AGPAT4: variants seen among roughly 807,000 people sequenced by gnomAD.
AGPAT4 encodes the protein 1-acylglycerol-3-phosphate O-acyltransferase 4.
AGPAT4 carries 15 observed loss-of-function variants against 48.0 expected under a neutral mutation model. The ratio of observed to expected loss-of-function variants is 0.31; its 90% CI spans 0.21 to 0.48. The LOEUF is 0.48. Ranked by LOEUF, AGPAT4 falls within the 20% of genes least tolerant of loss-of-function variation. The probability of loss-of-function intolerance (pLI) is 0.99; values close to 1 mark genes in which losing one functional copy is unlikely to be tolerated. For synonymous variants in AGPAT4, 178 were observed against 198.7 expected (o/e 0.90, Z 0.88); for missense variants, 314 against 482.5 (o/e 0.65, Z 3.27).
At chr6:161,203,026 C>A (rs1366687682) in intron 2 of AGPAT4, among the ~76,000 whole-genome samples, 1 of 152,212 alleles carries the variant, frequency 6.6e-6, no homozygotes, top group Non-Finnish European at 1.5e-5. Flanking sequence ...ACCAGGCATC[C>A]TGGAGCACAG....
intron 2 of AGPAT4, among the ~76,000 whole-genome samples, chr6:161,191,340 G>A (rs1780919448): frequency 1.3e-5 from 2 of 152,190 alleles, no homozygotes; most frequent in African/African-American, 4.8e-5. Context: ...GGAATAAGAA[G>A]TATGGAAGAG....
rs1479418614 is a variant in AGPAT4 at position 161,141,886 on chromosome 6, A to C, written c.844-2266T>G. 6.6e-6 allele frequency among the ~76,000 whole-genome samples: 1 copy of C among 152,064 alleles called. No homozygotes were observed. Among genetic ancestry groups the C allele is most frequent in the South Asian group, 2.1e-4 (1 of 4,824 alleles). Reference sequence around the variant, plus strand: ...TTCACTTTATTTTATTTTTTGAGACAGAGTCTCACTCTGTCGCACAGGCTG... The same window carrying C: ...TTCACTTTATTTTATTTTTTGAGACCGAGTCTCACTCTGTCGCACAGGCTG... On this transcript the variant is annotated intron_variant, in intron 7 of 8. Coordinates refer to ENST00000320285, the MANE Select transcript of AGPAT4 (RefSeq NM_020133.3). The surrounding 1 kb of genome is among the most constrained non-coding windows in gnomAD (Gnocchi z 6.7).
In AGPAT4 at chr6:161,130,254, T is replaced by C. The variant is rs1261586613; in HGVS notation, c.*6286A>G. On this transcript the variant is annotated 3_prime_UTR_variant, in exon 9 of 9. Coordinates refer to ENST00000320285, the MANE Select transcript of AGPAT4 (RefSeq NM_020133.3). ...CATGGTTCTGTCCAATACCTTGCTC[T>C]AATTCCAATTCATTCGTTCTCATAA... The C allele has an allele frequency of 6.6e-6, 1 of 152,594 alleles. No homozygotes were observed. Among genetic ancestry groups the C allele is most frequent in the Non-Finnish European group, 1.5e-5 (1 of 68,350 alleles). The allele number at this position is 152,594 out of a possible 1,614,324, so 9.5% of individuals were successfully genotyped here.
At position 161,134,769 on chromosome 6, in the gene AGPAT4, AGGACCCCTCTT is replaced by A. The variant is rs1306136074; in HGVS notation, c.*1760_*1770del. On this transcript the variant is annotated 3_prime_UTR_variant, in exon 9 of 9. Coordinates refer to ENST00000320285, the MANE Select transcript of AGPAT4 (RefSeq NM_020133.3). ...CACCATGCACACCTCCACTTCTCCA[AGGACCCCTCTT>A]GCCTAAGGTCACGTCCTGGGCTTTT... The A allele has an allele frequency of 6.6e-6, 1 of 152,274 alleles. No homozygotes were observed. The highest frequency in any genetic ancestry group is 2.4e-5 in the African/African-American group (1 of 41,438). 9.4% of individuals were successfully genotyped at this position (152,274 alleles called of 1,614,324 possible).
rs1265244789 is a variant in AGPAT4, at chr6:161,159,886, C to T, written c.349-5576G>A. On this transcript the variant is annotated intron_variant, in intron 3 of 8. Transcript: ENST00000320285. This position sits in a 1 kb window ranked among gnomAD's most constrained non-coding sequence, Gnocchi z 4.1. ...TCTCGAACTCCTGACCTTCAGGTCT[C>T]CCAAAGTGCTGGGATGGGATTACAG... is the stretch of plus-strand genomic sequence containing the variant. Among the ~76,000 whole-genome samples, 1 of 151,536 alleles carries T rather than the reference C, an allele frequency of 6.6e-6. No homozygotes were observed. The highest frequency in any genetic ancestry group is 2.4e-5 in the African/African-American group (1 of 41,158).
Position 161,243,740 on chromosome 6 carries a change from C to G in AGPAT4, c.-89-11438G>C, listed in dbSNP as rs1204475676. Among the ~76,000 whole-genome samples, 1 of 152,198 alleles carries G rather than the reference C, an allele frequency of 6.6e-6. No individual in the cohort carries two copies. The highest frequency in any genetic ancestry group is 2.1e-4 in the South Asian group (1 of 4,834). ...CCCTTGACCCCTTCTCCCTGGCCCC[C>G]AACCATCACCAGCTTTTCTTACTCA... On this transcript the variant is annotated intron_variant, in intron 1 of 8. Coordinates refer to ENST00000320285, the MANE Select transcript of AGPAT4 (RefSeq NM_020133.3). This position sits in a 1 kb window ranked among gnomAD's most constrained non-coding sequence, Gnocchi z 4.8.
chr6:161,179,053 A>C (rs1780509151), intron 2 of AGPAT4, among the ~76,000 whole-genome samples: 1 of 152,168 alleles, frequency 6.6e-6, no homozygotes, highest in South Asian at 2.1e-4. Flanking sequence ...CTTGCTATTT[A>C]ACCATTGCCT....
In AGPAT4 at chr6:161,218,187, G is replaced by A. The variant is rs1434166333; in HGVS notation, c.178+13849C>T. 6.6e-6 allele frequency among the ~76,000 whole-genome samples: 1 copy of A among 152,190 alleles called. No homozygotes were observed. The highest frequency in any genetic ancestry group is 1.5e-5 in the Non-Finnish European group (1 of 68,036). On this transcript the variant is annotated intron_variant, in intron 2 of 8. Transcript: ENST00000320285. The surrounding 1 kb of genome is among the most constrained non-coding windows in gnomAD (Gnocchi z 4.7). Reference sequence around the variant, plus strand: ...CCCGTCCACAGTGACGGTGCCAATGGTGCTGTGCTGGAAAATGGTTAACAA... The same window carrying A: ...CCCGTCCACAGTGACGGTGCCAATGATGCTGTGCTGGAAAATGGTTAACAA...
Position 161,254,929 on chromosome 6 carries a change from A to G in AGPAT4, c.-90+19009T>C, listed in dbSNP as rs1782905414. 6.6e-6 allele frequency among the ~76,000 whole-genome samples: 1 copy of G among 152,196 alleles called. No homozygotes were observed. Among genetic ancestry groups the G allele is most frequent in the African/African-American group, 2.4e-5 (1 of 41,448 alleles). ...CTCCAGAAATCCAGCGCCTGGGCTC[A>G]CAAAAGCCAGCCCTGACTTCGCGAA... On this transcript the variant is annotated intron_variant, in intron 1 of 8. Transcript: ENST00000320285. This position sits in a 1 kb window ranked among gnomAD's most constrained non-coding sequence, Gnocchi z 5.9.
At chr6:161,156,013 AGATCCTAGTG>A (rs1396458511) in intron 3 of AGPAT4, among the ~76,000 whole-genome samples, 1 of 152,202 alleles carries the variant, frequency 6.6e-6, no homozygotes, top group Non-Finnish European at 1.5e-5. Flanking sequence ...CTATCTTGCA[AGATCCTAGTG>A]GGTCCTAGTG....
intron 2 of AGPAT4, among the ~76,000 whole-genome samples, chr6:161,194,480 A>G (rs1391532811): frequency 6.9e-6 from 1 of 145,280 alleles, no homozygotes; most frequent in African/African-American, 2.7e-5. Flanking sequence ...GAATATGCGC[A>G]TGTATGTGTG....
rs183928024 is a variant in AGPAT4 at position 161,214,718 on chromosome 6, G to A, written c.178+17318C>T. Among the ~76,000 whole-genome samples, 321 of 152,268 alleles carry A rather than the reference G, an allele frequency of 2.1e-3. No individual in the cohort carries two copies. Among genetic ancestry groups the A allele is most frequent in the African/African-American group, 7.2e-3 (301 of 41,536 alleles). ...CAGGAGGCAAAGGTTGCAGTGAGCC[G>A]AGATCGTGCCACTGCACTCTAGCCT... is the stretch of plus-strand genomic sequence containing the variant. On this transcript the variant is annotated intron_variant, in intron 2 of 8. Coordinates refer to ENST00000320285, the MANE Select transcript of AGPAT4 (RefSeq NM_020133.3). The surrounding 1 kb of genome is among the most constrained non-coding windows in gnomAD (Gnocchi z 5.4).
At position 161,136,781 on chromosome 6, in the gene AGPAT4, C is replaced by T. The variant is rs1779081381; in HGVS notation, c.1043-147G>A. The T allele has an allele frequency of 2.3e-5, 15 of 652,564 alleles. No homozygotes were observed. In the South Asian group the frequency reaches 2.6e-4, roughly 11 times the overall value. 40.4% of individuals were successfully genotyped at this position (652,564 alleles called of 1,614,324 possible). On this transcript the variant is annotated intron_variant, in intron 8 of 8. Coordinates refer to ENST00000320285, the MANE Select transcript of AGPAT4 (RefSeq NM_020133.3). Reference sequence around the variant, plus strand: ...CGGGTTTGAGGTGCCATCATCCTGCCGGCTTTACAATCATCCTTGAGTGTG... The same window carrying T: ...CGGGTTTGAGGTGCCATCATCCTGCTGGCTTTACAATCATCCTTGAGTGTG...
chr6:161,140,811 G>C lies in AGPAT4; in HGVS notation c.844-1191C>G, dbSNP rs1003831913. Reference sequence around the variant, plus strand: ...CCACAGGGAATTGCCCAGGTTGTATGGTGGGCAGCTGCCTCAGCTATTGTA... The same window carrying C: ...CCACAGGGAATTGCCCAGGTTGTATCGTGGGCAGCTGCCTCAGCTATTGTA... On this transcript the variant is annotated intron_variant, in intron 7 of 8. Transcript: ENST00000320285. This position sits in a 1 kb window ranked among gnomAD's most constrained non-coding sequence, Gnocchi z 6.5. Among the ~76,000 whole-genome samples the C allele has an allele frequency of 2.0e-5, 3 of 152,198 alleles. No individual in the cohort carries two copies. The highest frequency in any genetic ancestry group is 7.2e-5 in the African/African-American group (3 of 41,444).
rs946091494 is a variant in AGPAT4, at chr6:161,246,981, T to G, written c.-89-14679A>C. On this transcript the variant is annotated intron_variant, in intron 1 of 8. Transcript: ENST00000320285. This position sits in a 1 kb window ranked among gnomAD's most constrained non-coding sequence, Gnocchi z 5.5. Reference sequence around the variant, plus strand: ...AGATGACACACCAAGTTATTCTCCCTGCAAAATCCACGCAGATGAACCCAC... The same window carrying G: ...AGATGACACACCAAGTTATTCTCCCGGCAAAATCCACGCAGATGAACCCAC... Among the ~76,000 whole-genome samples, 10 of 152,248 alleles carry G rather than the reference T, an allele frequency of 6.6e-5. No homozygotes were observed. The highest frequency in any genetic ancestry group is 1.9e-4 in the East Asian group (1 of 5,198).
rs1778887581 is a variant in AGPAT4, at chr6:161,131,127, A to G, written c.*5413T>C. On this transcript the variant is annotated 3_prime_UTR_variant, in exon 9 of 9. Transcript: ENST00000320285. ...TGTCAAAAAATATCTAGTCATTCCAATATGTAAAACAAGACTGCCTTGTTT... is the reference window on the plus strand; with the variant it reads ...TGTCAAAAAATATCTAGTCATTCCAGTATGTAAAACAAGACTGCCTTGTTT... 3 of 303,420 alleles carry G rather than the reference A, an allele frequency of 9.9e-6. No individual in the cohort carries two copies. The highest frequency in any genetic ancestry group is 2.2e-5 in the African/African-American group (1 of 46,168). 18.8% of individuals were successfully genotyped at this position (303,420 alleles called of 1,614,324 possible). A position where few individuals can be genotyped will look rare whatever the true frequency, so the allele number is the denominator to read the frequency against.
rs1184829649 is a variant in AGPAT4, at chr6:161,200,570, A to C, written c.178+31466T>G. Among the ~76,000 whole-genome samples, 1 of 152,226 alleles carries C rather than the reference A, an allele frequency of 6.6e-6. No homozygotes were observed. The highest frequency in any genetic ancestry group is 1.5e-5 in the Non-Finnish European group (1 of 68,050). ...CTTGGGCATAACCACAGGGTAGCGT[A>C]ATCTCATTTTTTGATTGCTCAGGAT... On this transcript the variant is annotated intron_variant, in intron 2 of 8. Coordinates refer to ENST00000320285, the MANE Select transcript of AGPAT4 (RefSeq NM_020133.3). The surrounding 1 kb of genome is among the most constrained non-coding windows in gnomAD (Gnocchi z 5.5).
intron 2 of AGPAT4, among the ~76,000 whole-genome samples, chr6:161,186,094 G>A (rs1375649220): frequency 1.3e-5 from 2 of 152,012 alleles, no homozygotes; most frequent in Non-Finnish European, 2.9e-5. Context: ...TGCCTACTCT[G>A]GGCTGCAGAG....
At chr6:161,151,326 G>A (rs559823023) in intron 5 of AGPAT4, among the ~76,000 whole-genome samples, 28 of 152,250 alleles carry the variant, frequency 1.8e-4, no homozygotes, top group Non-Finnish European at 3.4e-4. Context: ...AGGGCCTGGC[G>A]TGCCAGACGC....
Sources: gnomAD v4.1 joint callset for allele counts (sites outside exome capture counted in the v4.1 genomes callset) on GRCh38, gnomAD v4.1.1 for gene constraint, Gnocchi (gnomAD v3.1) non-coding constraint, MANE v1.5 for transcripts, NCBI Gene and HGNC (gene_info 2026-07-23, HGNC 2026-07-21) for gene names.